Variants in KLC2 observed in about 807,000 individuals in gnomAD.
KLC2 encodes the protein kinesin light chain 2, also known as KLC 2.
Under a neutral mutation model 75.1 loss-of-function variants are expected in KLC2, and 35 were observed. That is an observed-to-expected ratio of 0.47 (90% CI 0.36 to 0.62). KLC2 has a LOEUF of 0.62. KLC2 is among the 20% of genes least tolerant of loss of function. KLC2 has a pLI of 0.00. For missense variants in KLC2, 611 were observed against 833.2 expected, an observed-to-expected ratio of 0.73 and a Z score of 3.28; for synonymous variants, 314 against 336.7, an observed-to-expected ratio of 0.93 and a Z score of 0.74.
rs773610624 is a variant in KLC2 at position 66,261,801 on chromosome 11, G to C, written c.288G>C (p.Arg96=). The change falls in exon 3 of 16, where the codon CGG becomes CGC. Residue 96 remains arginine, a synonymous_variant. Coordinates refer to ENST00000394067, the MANE Select transcript of KLC2 (RefSeq NM_001318734.2). ...TAGAATCAGAGAAGCAGAAGCTGCG[G>C]GCGCAGGTGCGGCGTCTGGTGCAGG... The part of the protein sequence containing the change: ...GAVESEKQKL[R]AQVRRLVQEN... 6 of 1,613,088 alleles carry C rather than the reference G, an allele frequency of 3.7e-6. No individual in the cohort carries two copies.
intron 2 of KLC2, among the ~76,000 whole-genome samples, chr11:66,260,138 G>T (rs1856288137): frequency 6.6e-6 from 1 of 151,776 alleles, no homozygotes; most frequent in Non-Finnish European, 1.5e-5. Flanking sequence ...CATGCCATCT[G>T]CTGTGTACAC....
intron 4 of KLC2, 32 bp downstream of exon 4, chr11:66,262,224 G>A (rs1188378525): frequency 6.3e-7 from 1 of 1,582,118 alleles, no homozygotes. Context: ...GTGGGGGAAG[G>A]AAAGGTTGTG....
At chr11:66,265,437 C>T (rs1856754458) in intron 11 of KLC2, 4 of 674,006 alleles carry the variant, frequency 5.9e-6, no homozygotes, top group Admixed American at 5.8e-5. Context: ...GTCCTGGTGA[C>T]AACATCCCAT....
At chr11:66,262,097 G>T (rs369947993) in intron 3 of KLC2, 26 bp from the exon 4 acceptor site, 3 of 1,610,552 alleles carry the variant, frequency 1.9e-6, no homozygotes, top group South Asian at 1.1e-5. Flanking sequence ...CTCCTTCCCT[G>T]ATGCTCATCC....
the KLC2 span, among the ~76,000 whole-genome samples, chr11:66,245,781 C>T: frequency 6.6e-6 from 1 of 152,136 alleles, no homozygotes. Flanking sequence ...ACTCAGGAGG[C>T]TGAGGCACGA....
At position 66,265,926 on chromosome 11, in the gene KLC2, C is replaced by T. The variant is rs767861682; in HGVS notation, c.1516C>T (p.Arg506Cys). 39 of 1,588,222 alleles carry T rather than the reference C, an allele frequency of 2.5e-5. No individual in the cohort carries two copies. Among genetic ancestry groups the T allele is most frequent in the Non-Finnish European group, 3.3e-5 (38 of 1,164,604 alleles). Residue 506 changes from arginine (R) to cysteine (C), a missense_variant, in exon 13 of 16, where the codon CGC becomes TGC. Physicochemically the swap from Arg to Cys is radical, Grantham distance 180 (BLOSUM62 -3). Transcript: ENST00000394067. ...TGGCAGTGGCAGGCGGGGAGACCGC[C>T]GCAGCAGCCGAGACATGGCTGGGGG... ...KDGSGRRGDRRSSRDMAGGAG... is the reference protein window; with the variant it reads ...KDGSGRRGDRCSSRDMAGGAG...
upstream of KLC2, among the ~76,000 whole-genome samples, chr11:66,256,822 G>A (rs1021012924): frequency 3.9e-5 from 6 of 152,096 alleles, no homozygotes; most frequent in African/African-American, 1.4e-4. Context: ...ATGGGGGGAC[G>A]TCCCTCTGAT....
At position 66,265,844 on chromosome 11, in the gene KLC2, C is replaced by T. The variant is rs751847029; in HGVS notation, c.1444-10C>T. On this transcript the variant is annotated splice_polypyrimidine_tract_variant and intron_variant, in intron 12 of 15. Transcript: ENST00000394067. The stretch of plus-strand genomic sequence containing the variant: ...CCATTCACTGCCTGATGCCCCTGCC[C>T]CTCCCTCAGGGTTTGGACCCCGCAA... 6.3e-7 allele frequency: 1 copy of T among 1,579,008 alleles called. No individual in the cohort carries two copies. The highest frequency in any genetic ancestry group is 8.6e-7 in the Non-Finnish European group (1 of 1,158,026).
In KLC2 at chr11:66,265,756, G is replaced by A. The variant is rs151114879; in HGVS notation, c.1436G>A (p.Arg479His). 133 of 1,613,328 alleles carry A rather than the reference G, an allele frequency of 8.2e-5. No homozygotes were observed. In the South Asian group the frequency reaches 1.1e-3, roughly 13 times the overall value. Residue 479 changes from arginine (R) to histidine (H), a missense_variant, in exon 12 of 16, where the codon CGC becomes CAC. Physicochemically the swap from Arg to His is conservative, Grantham distance 29 (BLOSUM62 0). Coordinates refer to ENST00000394067, the MANE Select transcript of KLC2 (RefSeq NM_001318734.2). ...HTLEDCASRN[R>H]KQGLDPASQT... ...CTAGAGGACTGTGCCAGCCGTAACCGCAAGCAGGTGGGGCTCCATGCAGGA... is the reference window on the plus strand; with the variant it reads ...CTAGAGGACTGTGCCAGCCGTAACCACAAGCAGGTGGGGCTCCATGCAGGA...
chr11:66,259,342 G>C (rs1241677027), intron 2 of KLC2, among the ~76,000 whole-genome samples: 1 of 152,228 alleles, frequency 6.6e-6, no homozygotes, highest in Non-Finnish European at 1.5e-5. Context: ...TTGTCTACTG[G>C]TCAGGCAGGA....
At chr11:66,266,700 T>C in intron 15 of KLC2, 173 bp from the exon 16 acceptor site, 1 of 841,712 alleles carries the variant, frequency 1.2e-6, no homozygotes, top group Non-Finnish European at 2.0e-6. Context: ...ACCGTCACTG[T>C]GGAGATGGAC....
intron 15 of KLC2, 50 bp from the exon 16 acceptor site, chr11:66,266,823 A>G: frequency 6.3e-7 from 1 of 1,584,724 alleles, no homozygotes. Context: ...CCAGGGAGGC[A>G]CAGACTGGCA....
At chr11:66,246,478 CG>C in the KLC2 span, among the ~76,000 whole-genome samples, 1 of 152,188 alleles carries the variant, frequency 6.6e-6, no homozygotes, top group Non-Finnish European at 1.5e-5. Context: ...CTCCCATCCT[CG>C]GGGCCCATCC....
At chr11:66,264,863 C>G (rs768650334) in intron 9 of KLC2, 160 bp from the exon 10 acceptor site, 14 of 647,142 alleles carry the variant, frequency 2.2e-5, no homozygotes, top group Non-Finnish European at 3.6e-5. Context: ...CTGCTCATCT[C>G]TGTCCAGAAG....
At chr11:66,254,918 C>T (rs1855991683), upstream of KLC2, among the ~76,000 whole-genome samples, 1 of 151,650 alleles carries the variant, frequency 6.6e-6, no homozygotes, top group African/African-American at 2.4e-5. Context: ...GAGCATGACT[C>T]CATCTCAAAA....
Position 66,267,661 on chromosome 11 carries a change from G to GCCCCCCCCCC in KLC2, c.*705_*706insCCCCCCCCCC. On this transcript the variant is annotated 3_prime_UTR_variant, in exon 16 of 16. Coordinates refer to ENST00000394067, the MANE Select transcript of KLC2 (RefSeq NM_001318734.2). Reference sequence around the variant, plus strand: ...GCCTTATGCACTGCCCCTCCCACCCGGCCCCGCCCAGGCACGGCCGACCCC... The same window carrying GCCCCCCCCCC: ...GCCTTATGCACTGCCCCTCCCACCCGCCCCCCCCCCGCCCCGCCCAGGCACGGCCGACCCC... 6.1e-6 allele frequency: 2 copies of GCCCCCCCCCC among 325,642 alleles called. No individual in the cohort carries two copies. The highest frequency in any genetic ancestry group is 1.2e-5 in the Non-Finnish European group (2 of 170,014). The allele number at this position is 325,642 out of a possible 1,614,324, so 20.2% of individuals were successfully genotyped here.
In KLC2 at chr11:66,265,008, C is replaced by T; in HGVS notation, c.1217-15C>T. On this transcript the variant is annotated splice_polypyrimidine_tract_variant and intron_variant, in intron 9 of 15. Transcript: ENST00000394067. ...CTATATGGTAGGCTGGTGACAGTCCCCTTTCTCTCCCCAGGGGACAACAAG... is the reference window on the plus strand; with the variant it reads ...CTATATGGTAGGCTGGTGACAGTCCTCTTTCTCTCCCCAGGGGACAACAAG... 6.2e-7 allele frequency: 1 copy of T among 1,612,798 alleles called. No homozygotes were observed. The highest frequency in any genetic ancestry group is 8.5e-7 in the Non-Finnish European group (1 of 1,179,278).
At chr11:66,245,361 G>T in the KLC2 span, among the ~76,000 whole-genome samples, 1 of 152,022 alleles carries the variant, frequency 6.6e-6, no homozygotes, top group South Asian at 2.1e-4. Context: ...CAGGCGTTTT[G>T]CCCGAACTCA....
upstream of KLC2, among the ~76,000 whole-genome samples, chr11:66,252,504 C>A (rs1317620588): frequency 4.6e-5 from 7 of 152,136 alleles, no homozygotes; most frequent in Non-Finnish European, 7.3e-5. Flanking sequence ...ACCTCGTGAT[C>A]CCCCCGCCTC....
Sources: gnomAD v4.1 joint callset for allele counts (sites outside exome capture counted in the v4.1 genomes callset) on GRCh38, gnomAD v4.1.1 for gene constraint, MANE v1.5 for transcripts, NCBI Gene and HGNC (gene_info 2026-07-23, HGNC 2026-07-21) for gene names.